UGT2A2: variants seen among roughly 807,000 people sequenced by gnomAD.
UGT2A2 encodes UDP glucuronosyltransferase family 2 member A2, also known as UDP-glucuronosyltransferase 2A2.
A neutral mutation model predicts 50.7 loss-of-function variants in UGT2A2; 60 were observed. The observed-to-expected ratio is 1.18, with a 90% CI of 0.96 to 1.47. The LOEUF is 1.47. UGT2A2 is among the 40% of genes most tolerant of loss of function. The pLI, the probability that UGT2A2 is intolerant of heterozygous loss-of-function variation, is 0.00. For missense variants in UGT2A2, 762 were observed against 634.0 expected, an observed-to-expected ratio of 1.20 and a Z score of -2.17; for synonymous variants, 242 against 214.6, an observed-to-expected ratio of 1.13 and a Z score of -1.11.
chr4:69,620,901 A>C (rs1469068425), intron 1 of UGT2A2, among the ~76,000 whole-genome samples: 1 of 152,030 alleles, frequency 6.6e-6, no homozygotes, highest in African/African-American at 2.4e-5. Flanking sequence ...AGCAATAAGA[A>C]AAGGATTCCC....
chr4:69,591,193 A>G (rs973584757), intron 5 of UGT2A2, among the ~76,000 whole-genome samples: 1 of 152,206 alleles, frequency 6.6e-6, no homozygotes, highest in Non-Finnish European at 1.5e-5. Flanking sequence ...AATATGAGTG[A>G]CCATGGCCCA....
At chr4:69,631,946 A>G (rs1721412227) in intron 1 of UGT2A2, among the ~76,000 whole-genome samples, 1 of 152,228 alleles carries the variant, frequency 6.6e-6, no homozygotes, top group Non-Finnish European at 1.5e-5. Context: ...ATGGATTCCA[A>G]AATAATATCA....
At chr4:69,604,075 A>G (rs1719459717) in intron 1 of UGT2A2, among the ~76,000 whole-genome samples, 1 of 136,170 alleles carries the variant, frequency 7.3e-6, no homozygotes, top group African/African-American at 3.0e-5. Flanking sequence ...AACGCCACAA[A>G]GATACTCCTC....
chr4:69,626,323 G>T (rs10023821), intron 1 of UGT2A2, among the ~76,000 whole-genome samples: 52,960 of 150,648 alleles, frequency 0.35, 9,649 homozygotes, highest in African/African-American at 0.43. Flanking sequence ...GACTCTATTT[G>T]GATGATGTTT....
intron 1 of UGT2A2, among the ~76,000 whole-genome samples, chr4:69,605,497 T>C (rs28759827): frequency 0.26 from 34,882 of 134,302 alleles, 9,814 homozygotes; most frequent in East Asian, 0.68. Context: ...CACCCCAACA[T>C]CACAATTGAA....
Position 69,638,932 on chromosome 4 carries a change from C to T in UGT2A2, c.709G>A (p.Gly237Arg), listed in dbSNP as rs868160047. 1.2e-6 allele frequency: 2 copies of T among 1,610,092 alleles called. No individual in the cohort carries two copies. The highest frequency in any genetic ancestry group is 1.7e-6 in the Non-Finnish European group (2 of 1,177,974). Residue 237 changes from glycine (G) to arginine (R), a missense_variant, in exon 1 of 6, where the codon GGA becomes AGA. Transcript: ENST00000604629. Reference sequence around the variant, plus strand: ...TTGCTATAGTATGAATTCCATTCTCCCCAGTAGGACTGAAATATATAGTCT... The same window carrying T: ...TTGCTATAGTATGAATTCCATTCTCTCCAGTAGGACTGAAATATATAGTCT... Reference protein sequence around the residue: ...LQDYIFQSYWGEWNSYYSKIL... With the variant: ...LQDYIFQSYWREWNSYYSKIL...
intron 1 of UGT2A2, among the ~76,000 whole-genome samples, chr4:69,623,542 A>T (rs909521746): frequency 4.6e-5 from 7 of 151,370 alleles, no homozygotes; most frequent in African/African-American, 1.7e-4. Flanking sequence ...AAATATTTTT[A>T]AAATATAAAA....
chr4:69,628,432 A>G (rs1721210919), intron 1 of UGT2A2, among the ~76,000 whole-genome samples: 1 of 151,878 alleles, frequency 6.6e-6, no homozygotes, highest in Non-Finnish European at 1.5e-5. Context: ...TGGAGAGTCT[A>G]GAAAGAAACC....
chr4:69,595,531 C>A (rs1244962494), intron 3 of UGT2A2, among the ~76,000 whole-genome samples: 1 of 152,056 alleles, frequency 6.6e-6, no homozygotes, highest in Admixed American at 6.6e-5. Context: ...TAAACAGTAC[C>A]AGTTTAATCA....
At chr4:69,598,921 A>G (rs932694395) in intron 2 of UGT2A2, among the ~76,000 whole-genome samples, 4 of 152,120 alleles carry the variant, frequency 2.6e-5, no homozygotes, top group African/African-American at 9.7e-5. Flanking sequence ...TCATAATGCT[A>G]TGTGGCTTGG....
intron 1 of UGT2A2, among the ~76,000 whole-genome samples, chr4:69,609,996 A>T (rs1483608069): frequency 6.6e-6 from 1 of 152,206 alleles, no homozygotes; most frequent in African/African-American, 2.4e-5. Context: ...TGTTGAGGAA[A>T]TAACATATAA....
chr4:69,633,775 G>C (rs1207869607), intron 1 of UGT2A2, among the ~76,000 whole-genome samples: 2 of 152,114 alleles, frequency 1.3e-5, no homozygotes, highest in African/African-American at 4.8e-5. Flanking sequence ...AGCCAAGAAA[G>C]TGTTTACCAT....
At chr4:69,596,436 A>T (rs753668491) in intron 2 of UGT2A2, 55 bp from the exon 3 acceptor site, 5 of 1,425,330 alleles carry the variant, frequency 3.5e-6, no homozygotes, top group Non-Finnish European at 4.6e-6. Flanking sequence ...AGAAAAAATA[A>T]GTTTACTTAC....
intron 1 of UGT2A2, among the ~76,000 whole-genome samples, chr4:69,618,738 TAGAAA>T (rs1178321191): frequency 6.6e-6 from 1 of 152,022 alleles, no homozygotes; most frequent in African/African-American, 2.4e-5. Flanking sequence ...TCAATCAATG[TAGAAA>T]AGCCTTAAGT....
intron 1 of UGT2A2, among the ~76,000 whole-genome samples, chr4:69,629,184 A>G (rs1427965849): frequency 6.6e-6 from 1 of 151,860 alleles, no homozygotes; most frequent in African/African-American, 2.4e-5. Flanking sequence ...ACTACAAATG[A>G]TGGGAATATT....
At position 69,596,329 on chromosome 4, in the gene UGT2A2, G is replaced by T; in HGVS notation, c.944C>A (p.Ser315Tyr). ...AAGGTTTTTGACCATTGATCCCAGA[G>T]AAAACACCACAACACCATTTTTACC... ...SSGKNGVVVF[S>Y]LGSMVKNLTE... is the part of the protein sequence containing the mutation. Residue 315 changes from serine (S) to tyrosine (Y), a missense_variant, in exon 3 of 6, where the codon TCT becomes TAT. Physicochemically the swap from Ser to Tyr is moderately radical, Grantham distance 144. Transcript: ENST00000604629. The T allele has an allele frequency of 6.2e-7, 1 of 1,607,690 alleles. No homozygotes were observed. The highest frequency in any genetic ancestry group is 8.5e-7 in the Non-Finnish European group (1 of 1,176,198).
intron 1 of UGT2A2, among the ~76,000 whole-genome samples, chr4:69,627,875 G>A (rs1721178716): frequency 6.6e-6 from 1 of 151,832 alleles, no homozygotes; most frequent in Non-Finnish European, 1.5e-5. Flanking sequence ...AAAAGAGAAT[G>A]GAGATAAAAA....
At chr4:69,598,453 C>A (rs546996579) in intron 2 of UGT2A2, among the ~76,000 whole-genome samples, 3 of 152,036 alleles carry the variant, frequency 2.0e-5, no homozygotes, top group Admixed American at 2.0e-4. Flanking sequence ...TTTCTGAAGA[C>A]TTCATATTGT....
intron 1 of UGT2A2, among the ~76,000 whole-genome samples, chr4:69,616,071 G>C (rs1485805055): frequency 2.6e-5 from 4 of 151,978 alleles, no homozygotes; most frequent in Non-Finnish European, 5.9e-5. Flanking sequence ...TAACTTGGAT[G>C]AATCTAGAGT....
Sources: gnomAD v4.1 joint callset for allele counts (sites outside exome capture counted in the v4.1 genomes callset) on GRCh38, gnomAD v4.1.1 for gene constraint, MANE v1.5 for transcripts, NCBI Gene and HGNC (gene_info 2026-07-23, HGNC 2026-07-21) for gene names.